Variants in PRDM5 observed in about 807,000 individuals in gnomAD.
The protein encoded by PRDM5 is PR domain zinc finger protein 5.
A neutral mutation model predicts 81.2 loss-of-function variants in PRDM5; 56 were observed. The ratio of observed to expected loss-of-function variants is 0.69; its 90% confidence interval spans 0.56 to 0.86. The LOEUF (loss-of-function observed/expected upper bound fraction) is 0.86. PRDM5 is among the 40% of genes least tolerant of loss of function. The probability of loss-of-function intolerance (pLI) is 0.00; values close to 1 mark genes in which losing one functional copy is unlikely to be tolerated. For missense variants in PRDM5, 697 were observed against 770.1 expected, an observed-to-expected ratio of 0.91 and a Z score of 1.12; for synonymous variants, 267 against 256.4, an observed-to-expected ratio of 1.04 and a Z score of -0.39.
chr4:120,902,126 G>A (rs559075710), intron 2 of PRDM5, among the ~76,000 whole-genome samples: 6 of 152,246 alleles, frequency 3.9e-5, no homozygotes, highest in Admixed American at 3.9e-4. Flanking sequence ...GGAAAGAAAG[G>A]CCCAGAGCCA....
chr4:120,781,886 T>C (rs1174176626), intron 11 of PRDM5, among the ~76,000 whole-genome samples: 3 of 152,110 alleles, frequency 2.0e-5, no homozygotes, highest in African/African-American at 2.4e-5. Context: ...CCTTGGGCAG[T>C]TGGAAAAAGT....
chr4:120,800,649 A>C, intron 8 of PRDM5, among the ~76,000 whole-genome samples: 1 of 152,194 alleles, frequency 6.6e-6, no homozygotes, highest in South Asian at 2.1e-4. Flanking sequence ...CACGAAGATT[A>C]CAATTGATAA....
chr4:120,864,169 A>T (rs182173362), intron 2 of PRDM5, among the ~76,000 whole-genome samples: 5 of 152,318 alleles, frequency 3.3e-5, no homozygotes, highest in Non-Finnish European at 7.4e-5. Flanking sequence ...CAACAACCCT[A>T]CTGTGCATGA....
Position 120,864,055 on chromosome 4 carries a change from G to A in PRDM5, c.178-10515C>T, listed in dbSNP as rs191450123. 2.5e-3 allele frequency among the ~76,000 whole-genome samples: 384 copies of A among 152,302 alleles called. 1 individual carries two copies. The highest frequency in any genetic ancestry group is 4.1e-3 in the Non-Finnish European group (279 of 68,034). On this transcript the variant is annotated intron_variant, in intron 2 of 15. Transcript: ENST00000264808. ...TAATCAGGGGCCACCCCTGTAAGGC[G>A]TTAGCTTCTCAGTAATAATACACTG...
chr4:120,824,043 C>T (rs1025415494), intron 3 of PRDM5, among the ~76,000 whole-genome samples: 2 of 152,160 alleles, frequency 1.3e-5, no homozygotes, highest in African/African-American at 4.8e-5. Context: ...TAGAAGGAGC[C>T]TGAAGCCATC....
At chr4:120,873,490 TC>T (rs1361526811) in intron 2 of PRDM5, among the ~76,000 whole-genome samples, 2 of 152,230 alleles carry the variant, frequency 1.3e-5, no homozygotes, top group Non-Finnish European at 2.9e-5. Flanking sequence ...TGGCCAACTA[TC>T]CATCAGTACT....
At chr4:120,697,052 C>G (rs946133239) in intron 15 of PRDM5, among the ~76,000 whole-genome samples, 1 of 152,172 alleles carries the variant, frequency 6.6e-6, no homozygotes, top group Non-Finnish European at 1.5e-5. Context: ...CATATGATGA[C>G]AGACTACAAA....
At chr4:120,921,284 T>C (rs759966195) in intron 1 of PRDM5, among the ~76,000 whole-genome samples, 2 of 152,228 alleles carry the variant, frequency 1.3e-5, no homozygotes, top group Non-Finnish European at 2.9e-5. Context: ...GATTTTAACA[T>C]TTGGCCATTT....
At chr4:120,906,079 C>T (rs1316284765) in intron 2 of PRDM5, among the ~76,000 whole-genome samples, 2 of 152,050 alleles carry the variant, frequency 1.3e-5, no homozygotes, top group Non-Finnish European at 2.9e-5. Context: ...TCAGGCAATC[C>T]TCCCACCTCA....
At chr4:120,868,361 A>C (rs929337006) in intron 2 of PRDM5, among the ~76,000 whole-genome samples, 2 of 152,218 alleles carry the variant, frequency 1.3e-5, no homozygotes, top group Non-Finnish European at 1.5e-5. Context: ...ATGTATAAAT[A>C]GTAATGCTAG....
At chr4:120,831,772 G>T (rs1191478327) in intron 3 of PRDM5, among the ~76,000 whole-genome samples, 1 of 152,050 alleles carries the variant, frequency 6.6e-6, no homozygotes, top group Non-Finnish European at 1.5e-5. Flanking sequence ...TTAGAACCAA[G>T]AAAGCTTTGG....
intron 2 of PRDM5, among the ~76,000 whole-genome samples, chr4:120,882,657 A>G (rs1396701082): frequency 2.6e-5 from 4 of 152,228 alleles, no homozygotes; most frequent in African/African-American, 4.8e-5. Flanking sequence ...AAATCTCTAT[A>G]TTATTACTAA....
At chr4:120,687,736 C>A (rs1278134466), downstream of PRDM5, among the ~76,000 whole-genome samples, 2 of 152,102 alleles carry the variant, frequency 1.3e-5, no homozygotes, top group Non-Finnish European at 2.9e-5. Flanking sequence ...AGGTCATGAG[C>A]GCTCTGCCCT....
In PRDM5 at chr4:120,781,275, G is replaced by A. The variant is rs575816256; in HGVS notation, c.1311C>T (p.Cys437=). 1.2e-5 allele frequency: 20 copies of A among 1,612,910 alleles called. No homozygotes were observed. Among genetic ancestry groups the A allele is most frequent in the Admixed American group, 3.3e-5 (2 of 59,896 alleles). Residue 437 remains cysteine, a synonymous_variant, in exon 12 of 16, where the codon TGC becomes TGT. Transcript: ENST00000264808. The part of the protein sequence containing the change: ...NSERTFKCHH[C]DATFKRKDTL... Reference sequence around the variant, plus strand: ...TATCCTTCCTCTTAAAGGTAGCATCGCAGTGATGGCACTTGAAAGTCCTCT... The same window carrying A: ...TATCCTTCCTCTTAAAGGTAGCATCACAGTGATGGCACTTGAAAGTCCTCT...
At chr4:120,873,211 C>T (rs1762014305) in intron 2 of PRDM5, among the ~76,000 whole-genome samples, 1 of 152,016 alleles carries the variant, frequency 6.6e-6, no homozygotes, top group Non-Finnish European at 1.5e-5. Context: ...ACCATGTTGG[C>T]CAGGCTGGTC....
intron 14 of PRDM5, among the ~76,000 whole-genome samples, chr4:120,711,434 TA>T (rs1459186148): frequency 1.3e-5 from 2 of 151,064 alleles, no homozygotes; most frequent in Non-Finnish European, 2.9e-5. Flanking sequence ...GAGTAGCTGG[TA>T]CTACAGGCAC....
intron 13 of PRDM5, 94 bp from the exon 14 acceptor site, chr4:120,754,732 G>A (rs555985255): frequency 3.5e-5 from 30 of 858,244 alleles, no homozygotes; most frequent in Admixed American, 3.3e-4. Context: ...CCTGGCCACC[G>A]CATATGCCCT....
chr4:120,780,318 T>A (rs1578704961), intron 12 of PRDM5, among the ~76,000 whole-genome samples: 1 of 151,958 alleles, frequency 6.6e-6, no homozygotes, highest in African/African-American at 2.4e-5. Context: ...TGGTGAGACA[T>A]GACTAGTCTC....
At chr4:120,853,375 C>T (rs1561493741) in intron 3 of PRDM5, 43 bp downstream of exon 3, 3 of 1,612,704 alleles carry the variant, frequency 1.9e-6, no homozygotes, top group East Asian at 2.2e-5. Flanking sequence ...TAATTCATCC[C>T]CCCTCACAGT....
Sources: allele counts gnomAD v4.1 joint callset (sites outside exome capture counted in the v4.1 genomes callset), GRCh38; gene constraint gnomAD v4.1.1; transcripts MANE v1.5; gene names NCBI Gene and HGNC (gene_info 2026-07-23, HGNC 2026-07-21).